RSRC1: variants seen among roughly 807,000 people sequenced by gnomAD.
RSRC1 encodes serine/Arginine-related protein 53.
A neutral mutation model predicts 49.1 loss-of-function variants in RSRC1; 39 were observed. The ratio of observed to expected loss-of-function variants is 0.79; its 90% CI spans 0.61 to 1.04. The LOEUF (loss-of-function observed/expected upper bound fraction) is 1.04, where lower values mean the gene tolerates loss of function less well. Among genes scored for constraint, RSRC1 ranks in the 50% least tolerant of loss-of-function variants. The pLI is 0.00. For missense variants in RSRC1, 388 were observed against 402.4 expected (o/e 0.96, Z 0.31); for synonymous variants, 143 against 130.8 (o/e 1.09, Z -0.63).
At chr3:158,421,679 A>C (rs115256315) in intron 6 of RSRC1, among the ~76,000 whole-genome samples, 8,136 of 151,950 alleles carry the variant, frequency 0.054, 317 homozygotes, top group South Asian at 0.1. Context: ...TGAAACTATA[A>C]AATAAATATG....
At chr3:158,287,877 C>T (rs1467047256) in intron 4 of RSRC1, among the ~76,000 whole-genome samples, 1 of 152,142 alleles carries the variant, frequency 6.6e-6, no homozygotes, top group Non-Finnish European at 1.5e-5. Flanking sequence ...AATTTTTCTA[C>T]AATAAGCATT....
chr3:158,182,469 C>T (rs1347588788), intron 3 of RSRC1, among the ~76,000 whole-genome samples: 1 of 152,120 alleles, frequency 6.6e-6, no homozygotes, highest in Non-Finnish European at 1.5e-5. Flanking sequence ...GTAGAACTTT[C>T]AAGGATTTCA....
At chr3:158,521,944 T>C (rs950407274) in intron 7 of RSRC1, among the ~76,000 whole-genome samples, 1 of 152,108 alleles carries the variant, frequency 6.6e-6, no homozygotes, top group Admixed American at 6.6e-5. Context: ...GGGACTAGAA[T>C]GATTTGCTTT....
intron 4 of RSRC1, among the ~76,000 whole-genome samples, chr3:158,249,426 G>A (rs1724082645): frequency 6.6e-6 from 1 of 152,128 alleles, no homozygotes; most frequent in African/African-American, 2.4e-5. Context: ...TGACACTCAT[G>A]TTGTTGCAAG....
intron 4 of RSRC1, chr3:158,276,112 T>G (rs900585748): frequency 3.3e-6 from 3 of 916,610 alleles, no homozygotes; most frequent in Non-Finnish European, 3.6e-6. Flanking sequence ...TCCAGCTCAC[T>G]CCTCTGCAAC....
intron 4 of RSRC1, among the ~76,000 whole-genome samples, chr3:158,262,026 A>T (rs141845866): frequency 6.6e-6 from 1 of 152,216 alleles, no homozygotes; most frequent in Admixed American, 6.5e-5. Flanking sequence ...ATCGTCTTTC[A>T]TGAAACCTGG....
chr3:158,334,394 CTG>C (rs757205768), intron 5 of RSRC1, among the ~76,000 whole-genome samples: 34 of 151,864 alleles, frequency 2.2e-4, no homozygotes, highest in Non-Finnish European at 4.6e-4. Context: ...TCATAAGTAA[CTG>C]ATACATATTA....
intron 4 of RSRC1, among the ~76,000 whole-genome samples, chr3:158,253,265 G>A (rs1041929651): frequency 1.3e-5 from 2 of 151,452 alleles, no homozygotes; most frequent in Non-Finnish European, 2.9e-5. Context: ...TTGGTGTGTT[G>A]TGTTTCCATT....
Position 158,501,537 on chromosome 3 carries a change from C to T in RSRC1, c.653-35555C>T, listed in dbSNP as rs1739596710. ...AGTAATTGTTTTATAAATTTGGGAGCTCCAGTTTTAGGTGCATATATGTGA... is the reference window on the plus strand; with the variant it reads ...AGTAATTGTTTTATAAATTTGGGAGTTCCAGTTTTAGGTGCATATATGTGA... On this transcript the variant is annotated intron_variant, in intron 7 of 9. Transcript: ENST00000611884. 2.0e-5 allele frequency among the ~76,000 whole-genome samples: 3 copies of T among 152,192 alleles called. No individual in the cohort carries two copies. In the South Asian group the frequency reaches 6.2e-4, roughly 32 times the overall value.
At chr3:158,390,812 G>A (rs990484844) in intron 6 of RSRC1, among the ~76,000 whole-genome samples, 16 of 152,168 alleles carry the variant, frequency 1.1e-4, no homozygotes, top group East Asian at 5.8e-4. Context: ...GGATTTGTGC[G>A]CATTGTAATT....
At chr3:158,200,083 G>A (rs1720944757) in intron 3 of RSRC1, among the ~76,000 whole-genome samples, 1 of 151,976 alleles carries the variant, frequency 6.6e-6, no homozygotes, top group Non-Finnish European at 1.5e-5. Flanking sequence ...TGTCACCCAG[G>A]CTGGAGTGCA....
chr3:158,293,921 G>C (rs1464453717), intron 4 of RSRC1, among the ~76,000 whole-genome samples: 1 of 151,786 alleles, frequency 6.6e-6, no homozygotes, highest in East Asian at 1.9e-4. Flanking sequence ...TTTGTGTAGG[G>C]GTCTCCTTTT....
At chr3:158,376,056 T>TTCCCTCCC (rs1227918212) in intron 6 of RSRC1, among the ~76,000 whole-genome samples, 1 of 149,684 alleles carries the variant, frequency 6.7e-6, no homozygotes, top group East Asian at 2.0e-4. Flanking sequence ...TTCTGTACAG[T>TTCCCTCCC]TCCCTCCCTC....
chr3:158,310,055 G>A (rs1312165339), intron 5 of RSRC1, among the ~76,000 whole-genome samples: 1 of 151,480 alleles, frequency 6.6e-6, no homozygotes, highest in Non-Finnish European at 1.5e-5. Flanking sequence ...ATACTATAAT[G>A]GATGTATAAT....
At chr3:158,518,334 G>T (rs957525532) in intron 7 of RSRC1, among the ~76,000 whole-genome samples, 8 of 149,106 alleles carry the variant, frequency 5.4e-5, no homozygotes, top group Non-Finnish European at 1.0e-4. Context: ...ACGTTTGATA[G>T]AACTTTTCTG....
At chr3:158,176,967 CA>C (rs1375516332) in intron 3 of RSRC1, among the ~76,000 whole-genome samples, 1 of 151,942 alleles carries the variant, frequency 6.6e-6, no homozygotes, top group African/African-American at 2.4e-5. Context: ...CAACCCCATC[CA>C]AAAGTGGGCA....
chr3:158,255,169 G>GT (rs1290688838), intron 4 of RSRC1, among the ~76,000 whole-genome samples: 4 of 152,134 alleles, frequency 2.6e-5, no homozygotes, highest in Admixed American at 6.5e-5. Flanking sequence ...TATTCCCTCT[G>GT]TTTTTTTCTA....
At chr3:158,451,278 T>G (rs1737012168) in intron 6 of RSRC1, among the ~76,000 whole-genome samples, 1 of 152,032 alleles carries the variant, frequency 6.6e-6, no homozygotes, top group South Asian at 2.1e-4. Flanking sequence ...TACTGATGTT[T>G]GCTACCAGAT....
At chr3:158,275,025 A>G (rs7643792) in intron 4 of RSRC1, among the ~76,000 whole-genome samples, 72,383 of 151,994 alleles carry the variant, frequency 0.48, 17,799 homozygotes, top group East Asian at 0.64. Flanking sequence ...TTATTGTTAC[A>G]TATTTTAAGA....
Sources: allele counts gnomAD v4.1 joint callset (sites outside exome capture counted in the v4.1 genomes callset), GRCh38; gene constraint gnomAD v4.1.1; transcripts MANE v1.5; gene names NCBI Gene and HGNC (gene_info 2026-07-23, HGNC 2026-07-21).